Variants in NCOR1 observed in about 807,000 individuals in gnomAD.
The protein encoded by NCOR1 is protein phosphatase 1, regulatory subunit 109.
In NCOR1, 63 loss-of-function variants were observed where a neutral mutation model predicts 288.1. The observed-to-expected ratio is 0.22, with a 90% CI of 0.18 to 0.27. The LOEUF (loss-of-function observed/expected upper bound fraction) is 0.27. Ranked by LOEUF, NCOR1 falls within the 10% of genes least tolerant of loss-of-function variation. The pLI, the probability that NCOR1 is intolerant of heterozygous loss-of-function variation, is 1.00. For missense variants in NCOR1, 2,397 were observed against 3,019.2 expected, an observed-to-expected ratio of 0.79 and a Z score of 4.83; for synonymous variants, 1,007 against 1,065.9, an observed-to-expected ratio of 0.94 and a Z score of 1.08.
At chr17:16,112,768 C>T (rs542864453) in intron 18 of NCOR1, among the ~76,000 whole-genome samples, 6 of 152,092 alleles carry the variant, frequency 3.9e-5, no homozygotes, top group Non-Finnish European at 7.4e-5. Context: ...GGATTAAAGG[C>T]GTGAGCCACT....
intron 14 of NCOR1, among the ~76,000 whole-genome samples, chr17:16,135,709 T>C (rs961897881): frequency 2.6e-5 from 4 of 152,180 alleles, no homozygotes; most frequent in Non-Finnish European, 5.9e-5. Context: ...AAACAAGAAA[T>C]ACTGTTTCCA....
intron 3 of NCOR1, among the ~76,000 whole-genome samples, chr17:16,180,966 C>T (rs1359983704): frequency 7.2e-5 from 11 of 152,108 alleles, no homozygotes; most frequent in Admixed American, 7.2e-4. Flanking sequence ...CAAGACCAGC[C>T]TGGCCAACAT....
chr17:16,090,921 T>C (rs1290512652), intron 22 of NCOR1, among the ~76,000 whole-genome samples: 2 of 152,214 alleles, frequency 1.3e-5, no homozygotes, highest in Admixed American at 6.5e-5. Context: ...AAGAATCTTC[T>C]GAATCATTCA....
chr17:16,033,288 T>G (rs1445969153), intron 45 of NCOR1, among the ~76,000 whole-genome samples: 1 of 129,004 alleles, frequency 7.8e-6, no homozygotes, highest in Non-Finnish European at 1.5e-5. Context: ...TGAGCCAAGA[T>G]AGCACCATTG....
At chr17:16,053,802 G>A (rs1051011236) in intron 40 of NCOR1, among the ~76,000 whole-genome samples, 2 of 151,810 alleles carry the variant, frequency 1.3e-5, no homozygotes, top group Non-Finnish European at 2.9e-5. Flanking sequence ...TATAATACAG[G>A]GCTACAGTAA....
At chr17:16,128,405 T>C (rs2075085688) in intron 14 of NCOR1, among the ~76,000 whole-genome samples, 1 of 152,226 alleles carries the variant, frequency 6.6e-6, no homozygotes, top group Admixed American at 6.5e-5. Flanking sequence ...CTTGTAGCAC[T>C]GTCACTAGGT....
intron 18 of NCOR1, among the ~76,000 whole-genome samples, chr17:16,111,045 C>A (rs899718758): frequency 6.6e-6 from 1 of 152,188 alleles, no homozygotes; most frequent in African/African-American, 2.4e-5. Flanking sequence ...CTCAAGCAAT[C>A]CAGGTGTGAC....
intron 6 of NCOR1, among the ~76,000 whole-genome samples, chr17:16,156,567 G>A (rs1352253687): frequency 6.6e-6 from 1 of 151,900 alleles, no homozygotes; most frequent in Admixed American, 6.6e-5. Flanking sequence ...AAGAAAAAAG[G>A]AAAAGAAAGA....
chr17:16,172,136 C>G (rs1429074600), intron 3 of NCOR1, 141 bp from the exon 4 acceptor site: 2 of 608,686 alleles, frequency 3.3e-6, no homozygotes, highest in Non-Finnish European at 5.4e-6. Context: ...CTTCTGTTCC[C>G]ACCCCCAAAG....
intron 31 of NCOR1, among the ~76,000 whole-genome samples, chr17:16,069,257 T>C (rs1191877337): frequency 6.6e-6 from 1 of 152,108 alleles, no homozygotes; most frequent in Non-Finnish European, 1.5e-5. Flanking sequence ...TGCTCAAATA[T>C]GGAGTGCCCT....
In NCOR1 at chr17:16,126,017, T is replaced by C. The variant is rs1389427684; in HGVS notation, c.1634+65A>G. 5 of 875,300 alleles carry C rather than the reference T, an allele frequency of 5.7e-6. No individual in the cohort carries two copies. The African/African-American group carries it at 7.0e-5, about 12-fold the overall frequency. The allele number at this position is 875,300 out of a possible 1,614,324, so 54.2% of individuals were successfully genotyped here. Reference sequence around the variant, plus strand: ...ATGTGACAACTGTACTCCCTATATCTACAAAAATAAAAATAAAATAAAAAT... The same window carrying C: ...ATGTGACAACTGTACTCCCTATATCCACAAAAATAAAAATAAAATAAAAAT... On this transcript the variant is annotated intron_variant, in intron 15 of 45. Transcript: ENST00000268712.
intron 35 of NCOR1, among the ~76,000 whole-genome samples, chr17:16,063,864 C>T (rs992163851): frequency 6.6e-6 from 1 of 152,224 alleles, no homozygotes; most frequent in African/African-American, 2.4e-5. Flanking sequence ...ATACCTTCAT[C>T]ATGAAAACAT....
Position 16,029,834 on chromosome 17 carries a change from C to T in NCOR1, c.*2462G>A, listed in dbSNP as rs904375136. On this transcript the variant is annotated 3_prime_UTR_variant, in exon 46 of 46. Coordinates refer to ENST00000268712, the MANE Select transcript of NCOR1 (RefSeq NM_006311.4). The stretch of plus-strand genomic sequence containing the variant: ...CCAGGTGATGGTAAATAAAGTAATA[C>T]GCACATGCATTATGATGAGGATGGA... The T allele has an allele frequency of 1.2e-4, 18 of 152,600 alleles. No individual in the cohort carries two copies. Among genetic ancestry groups the T allele is most frequent in the African/African-American group, 3.9e-4 (16 of 41,434 alleles). 9.5% of individuals were successfully genotyped at this position (152,600 alleles called of 1,614,324 possible). A position where few individuals can be genotyped will look rare whatever the true frequency, so the allele number is the denominator to read the frequency against.
chr17:16,054,391 C>T (rs576146514), intron 40 of NCOR1, among the ~76,000 whole-genome samples: 7 of 152,096 alleles, frequency 4.6e-5, no homozygotes, highest in East Asian at 1.9e-4. Flanking sequence ...GCGGGTAAAG[C>T]GAGTGTGGTG....
chr17:16,171,874 C>T lies in NCOR1; in HGVS notation c.364G>A (p.Val122Ile). 1 of 1,613,512 alleles carries T rather than the reference C, an allele frequency of 6.2e-7. No homozygotes were observed. The highest frequency in any genetic ancestry group is 1.1e-5 in the South Asian group (1 of 90,956). ...EQVSDSHFQRVSAAVLPLVHP... is the reference protein window; with the variant it reads ...EQVSDSHFQRISAAVLPLVHP... ...ACTAAAGGCAAAACCGCAGCACTGA[C>T]ACGCTGAAAATGAGAATCAGAAACC... The change falls in exon 4 of 46, where the codon GTC becomes ATC. Residue 122 changes from valine to isoleucine, a missense_variant. By Grantham distance (29) the Val-to-Ile change is conservative. Around this residue, in one of 11 missense-constraint regions of NCOR1, gnomAD observed 110 missense variants for 123.2 expected, o/e 0.89. Coordinates refer to ENST00000268712, the MANE Select transcript of NCOR1 (RefSeq NM_006311.4).
At chr17:16,075,169 G>A (rs926803756) in intron 27 of NCOR1, among the ~76,000 whole-genome samples, 2 of 152,064 alleles carry the variant, frequency 1.3e-5, no homozygotes, top group African/African-American at 2.4e-5. Flanking sequence ...GAACCACCGC[G>A]CCCAGCCTAT....
At position 16,101,326 on chromosome 17, in the gene NCOR1, C is replaced by T. The variant is rs928379501; in HGVS notation, c.2614G>A (p.Glu872Lys). Residue 872 changes from glutamate (E) to lysine (K), a missense_variant, in exon 20 of 46, where the codon GAG (glutamate) becomes AAG (lysine). Around this residue, in one of 11 missense-constraint regions of NCOR1, gnomAD observed 1,872 missense variants for 2,187.8 expected, o/e 0.86. Transcript: ENST00000268712. ...VAQQINAQRP[E>K]PQSDNDSSAT... Reference sequence around the variant, plus strand: ...CTGGAATCATTGTCTGACTGGGGCTCGGGCCTTTGGGCATTTATTTGCTGA... The same window carrying T: ...CTGGAATCATTGTCTGACTGGGGCTTGGGCCTTTGGGCATTTATTTGCTGA... 1.9e-6 allele frequency: 3 copies of T among 1,613,904 alleles called. No homozygotes were observed. Among genetic ancestry groups the T allele is most frequent in the Non-Finnish European group, 2.5e-6 (3 of 1,179,978 alleles).
intron 40 of NCOR1, 151 bp from the exon 41 acceptor site, chr17:16,049,139 T>A: frequency 1.6e-6 from 1 of 616,442 alleles, no homozygotes; most frequent in Non-Finnish European, 2.6e-6. Context: ...GTATTCACTA[T>A]ATACATAGTT....
chr17:16,055,693 C>T (rs1016829186), intron 40 of NCOR1, among the ~76,000 whole-genome samples: 6 of 152,190 alleles, frequency 3.9e-5, no homozygotes, highest in African/African-American at 1.4e-4. Flanking sequence ...AAATAAATAA[C>T]TAAAATGAAA....
Sources: allele counts gnomAD v4.1 joint callset (sites outside exome capture counted in the v4.1 genomes callset), GRCh38; gene constraint gnomAD v4.1.1; regional missense constraint gnomAD v4.1.1; transcripts MANE v1.5; gene names NCBI Gene and HGNC (gene_info 2026-07-23, HGNC 2026-07-21).